The following NUP160 variants were observed in gnomAD, a reference collection of about 807,000 sequenced individuals.
NUP160 encodes the protein nuclear pore complex protein Nup160.
In NUP160, 94 loss-of-function variants were observed where a neutral mutation model predicts 196.9. That is an observed-to-expected ratio of 0.48 (90% CI 0.40 to 0.57). The LOEUF is 0.57. Among genes scored for constraint, NUP160 ranks in the 20% least tolerant of loss-of-function variants. The pLI is 0.00. For synonymous variants in NUP160, 605 were observed against 619.7 expected (o/e 0.98, Z 0.35); for missense variants, 1,638 against 1,748.3 (o/e 0.94, Z 1.13).
At chr11:47,802,368 T>A (rs893781205) in intron 22 of NUP160, among the ~76,000 whole-genome samples, 1 of 151,988 alleles carries the variant, frequency 6.6e-6, no homozygotes, top group Non-Finnish European at 1.5e-5. Context: ...TGGGCGGAGG[T>A]TGCAGTGAGC....
chr11:47,816,087 T>C lies in NUP160; in HGVS notation c.1432-58A>G, dbSNP rs1235910433. 4 of 1,150,632 alleles carry C rather than the reference T, an allele frequency of 3.5e-6. No homozygotes were observed. In the Admixed American group the frequency reaches 5.3e-5, roughly 15 times the overall value. 71.3% of individuals were successfully genotyped at this position (1,150,632 alleles called of 1,614,324 possible). Reference sequence around the variant, plus strand: ...AATAGCCAAAACTGAATGGAAAACGTTTCAGTTTAGAAGACATAGAGGCAA... The same window carrying C: ...AATAGCCAAAACTGAATGGAAAACGCTTCAGTTTAGAAGACATAGAGGCAA... On this transcript the variant is annotated intron_variant, in intron 11 of 35. Transcript: ENST00000378460.
In NUP160 at chr11:47,840,406, A is replaced by C; in HGVS notation, c.497T>G (p.Leu166Ter). 6.2e-7 allele frequency: 1 copy of C among 1,614,088 alleles called. No homozygotes were observed. The highest frequency in any genetic ancestry group is 8.5e-7 in the Non-Finnish European group (1 of 1,179,938). ...CCTATACATCCGGGAGGGGTGTGGT[A>C]AAAGTAACCTGTGCACTGTTTGATT... Residue 166 changes from leucine (L) to a stop codon, truncating the protein, a stop_gained, in exon 3 of 36, where the codon TTA becomes TGA. Transcript: ENST00000378460. LOFTEE classifies it high-confidence loss of function.
At chr11:47,837,111 G>A in intron 5 of NUP160, 110 bp from the exon 6 acceptor site, 1 of 601,726 alleles carries the variant, frequency 1.7e-6, no homozygotes, top group Non-Finnish European at 2.9e-6. Context: ...CTTAGCAGAA[G>A]GACCAAGAGC....
At chr11:47,831,653 A>C (rs1189135066) in intron 7 of NUP160, among the ~76,000 whole-genome samples, 1 of 151,844 alleles carries the variant, frequency 6.6e-6, no homozygotes, top group Non-Finnish European at 1.5e-5. Flanking sequence ...CAGCCTGGCC[A>C]ATATGGCAAA....
At chr11:47,815,336 G>A in intron 13 of NUP160, 143 bp downstream of exon 13, 1 of 468,722 alleles carries the variant, frequency 2.1e-6, no homozygotes, top group Non-Finnish European at 3.6e-6. Context: ...AAATACAAAT[G>A]CAAAGTCCTA....
intron 7 of NUP160, among the ~76,000 whole-genome samples, chr11:47,827,573 G>A (rs1419140689): frequency 6.6e-6 from 1 of 151,978 alleles, no homozygotes; most frequent in African/African-American, 2.4e-5. Flanking sequence ...GCTGGGCATG[G>A]TGGCACATGC....
At chr11:47,810,711 T>A (rs980088854) in intron 17 of NUP160, among the ~76,000 whole-genome samples, 3 of 151,936 alleles carry the variant, frequency 2.0e-5, no homozygotes, top group African/African-American at 7.3e-5. Flanking sequence ...CAGACCCCGC[T>A]AACTTTTTTG....
intron 6 of NUP160, 39 bp from the exon 7 acceptor site, chr11:47,835,848 T>A (rs1278724664): frequency 1.4e-6 from 2 of 1,475,974 alleles, no homozygotes; most frequent in African/African-American, 2.8e-5. Flanking sequence ...ATTCAAGGGA[T>A]ATTCAGGCTA....
At chr11:47,794,145 AG>A (rs1264075877) in intron 27 of NUP160, among the ~76,000 whole-genome samples, 1 of 152,134 alleles carries the variant, frequency 6.6e-6, no homozygotes, top group African/African-American at 2.4e-5. Context: ...AGTGTTCTGG[AG>A]ATTGGTTACA....
chr11:47,815,679 C>CT (rs1412989055), intron 12 of NUP160, 30 bp from the exon 13 acceptor site: 19 of 1,528,818 alleles, frequency 1.2e-5, no homozygotes, highest in Non-Finnish European at 1.7e-5. Context: ...AGAAATTAAA[C>CT]TTTTGATGCC....
At chr11:47,801,026 T>C (rs929307695) in intron 23 of NUP160, among the ~76,000 whole-genome samples, 5 of 152,110 alleles carry the variant, frequency 3.3e-5, no homozygotes, top group Non-Finnish European at 5.9e-5. Context: ...GAATAGAGCA[T>C]GCGCTTGACT....
rs371080808 is a variant in NUP160, at chr11:47,784,915, C to G, written c.3990+7G>C. The G allele has an allele frequency of 5.7e-6, 9 of 1,572,590 alleles. No homozygotes were observed. Among genetic ancestry groups the G allele is most frequent in the Non-Finnish European group, 8.6e-7 (1 of 1,158,998 alleles). ...TTCTTACTCTGTACAAGTTATAATC[C>G]GTTTACCTTGTAACTGTTTATAAGC... is the stretch of plus-strand genomic sequence containing the variant. On this transcript the variant is annotated splice_region_variant and intron_variant, in intron 33 of 35. Coordinates refer to ENST00000378460, the Ensembl canonical transcript of NUP160.
At chr11:47,841,741 G>A (rs1852302572) in intron 2 of NUP160, 3 of 222,152 alleles carry the variant, frequency 1.4e-5, no homozygotes, top group Non-Finnish European at 2.7e-5. Context: ...AGGCTGGGGT[G>A]CAGTGGTGCA....
intron 23 of NUP160, among the ~76,000 whole-genome samples, chr11:47,800,463 C>T (rs2097673580): frequency 6.6e-6 from 1 of 151,066 alleles, no homozygotes. Context: ...GATCTCAGCT[C>T]ACTGCAACCT....
At chr11:47,831,610 G>A (rs906915251) in intron 7 of NUP160, among the ~76,000 whole-genome samples, 6 of 151,782 alleles carry the variant, frequency 4.0e-5, no homozygotes, top group African/African-American at 7.3e-5. Flanking sequence ...TTGGGAGGCC[G>A]AGGCAGGCGG....
chr11:47,829,452 C>A (rs111651411), intron 7 of NUP160, among the ~76,000 whole-genome samples: 7 of 151,904 alleles, frequency 4.6e-5, no homozygotes, highest in African/African-American at 1.7e-4. Flanking sequence ...ATTACAGGCA[C>A]GTGCCACCAT....
At chr11:47,800,447 T>A (rs1460148787) in intron 23 of NUP160, among the ~76,000 whole-genome samples, 1 of 151,482 alleles carries the variant, frequency 6.6e-6, no homozygotes, top group East Asian at 1.9e-4. Flanking sequence ...TGGAGTGCAG[T>A]GGCACGATCT....
intron 35 of NUP160, 146 bp from the exon 36 acceptor site, chr11:47,779,340 G>A (rs1486053387): frequency 1.7e-6 from 1 of 595,920 alleles, no homozygotes; most frequent in African/African-American, 1.9e-5. Flanking sequence ...TTTGTTATAG[G>A]AGTCTCCTCT....
chr11:47,847,642 T>A (rs936142336), intron 2 of NUP160, among the ~76,000 whole-genome samples: 1 of 12,554 alleles, frequency 8.0e-5, no homozygotes, highest in Non-Finnish European at 2.1e-4. Flanking sequence ...TATGTGTGTG[T>A]GGGGGTGGGG....
Sources: allele counts gnomAD v4.1 joint callset (sites outside exome capture counted in the v4.1 genomes callset), GRCh38; gene constraint gnomAD v4.1.1; transcripts MANE v1.5; gene names NCBI Gene and HGNC (gene_info 2026-07-23, HGNC 2026-07-21).